Variants in CCAR1 observed in about 807,000 individuals in gnomAD.
The protein encoded by CCAR1 is cell division cycle and apoptosis regulator 1, also known as cell division cycle and apoptosis regulator protein 1.
In CCAR1, 78 loss-of-function variants were observed where a neutral mutation model predicts 163.8. The observed-to-expected ratio is 0.48, with a 90% CI of 0.40 to 0.57. The LOEUF (loss-of-function observed/expected upper bound fraction) is 0.57, where lower values mean the gene tolerates loss of function less well. Among genes scored for constraint, CCAR1 ranks in the 20% least tolerant of loss-of-function variants. The probability of loss-of-function intolerance (pLI) is 0.00; values close to 1 mark genes in which losing one functional copy is unlikely to be tolerated. For missense variants in CCAR1, 1,019 were observed against 1,365.2 expected (o/e 0.75, Z 4.00); for synonymous variants, 443 against 460.7 (o/e 0.96, Z 0.49).
At chr10:68,765,016 C>A (rs960898339) in intron 16 of CCAR1, among the ~76,000 whole-genome samples, 1 of 152,214 alleles carries the variant, frequency 6.6e-6, no homozygotes, top group Admixed American at 6.5e-5. Flanking sequence ...TAGTTTCTTT[C>A]AGATAGCTTT....
At chr10:68,730,013 G>A (rs932697354) in intron 2 of CCAR1, among the ~76,000 whole-genome samples, 8 of 151,792 alleles carry the variant, frequency 5.3e-5, no homozygotes, top group South Asian at 2.1e-4. Context: ...TCCGCCTCCC[G>A]TGTTCAAGCG....
chr10:68,771,275 T>C lies in CCAR1; in HGVS notation c.2368T>C (p.Leu790=). 1 of 1,606,856 alleles carries C rather than the reference T, an allele frequency of 6.2e-7. No homozygotes were observed. The highest frequency in any genetic ancestry group is 8.5e-7 in the Non-Finnish European group (1 of 1,176,660). The change falls in exon 18 of 25, where the codon TTA becomes CTA. Residue 790 remains leucine, a synonymous_variant. Coordinates refer to ENST00000265872, the MANE Select transcript of CCAR1 (RefSeq NM_018237.4). ...RDFGVRIYKS[L]LSLPEKEDKK... is the part of the protein sequence containing the mutation. Reference sequence around the variant, plus strand: ...TTTTGGTGTCCGTATATACAAATCATTACTGTCTCTTCCTGAGAAAGAGGA... The same window carrying C: ...TTTTGGTGTCCGTATATACAAATCACTACTGTCTCTTCCTGAGAAAGAGGA...
intron 2 of CCAR1, among the ~76,000 whole-genome samples, chr10:68,730,343 A>ATATATATT (rs1168778124): frequency 2.7e-5 from 4 of 147,944 alleles, no homozygotes; most frequent in African/African-American, 9.9e-5. Flanking sequence ...ATATATATAT[A>ATATATATT]TATTTATTTT....
At chr10:68,764,660 C>T (rs1022993457) in intron 16 of CCAR1, among the ~76,000 whole-genome samples, 8 of 152,236 alleles carry the variant, frequency 5.3e-5, no homozygotes, top group Middle Eastern at 3.4e-3. Context: ...TCCTTTCCCA[C>T]GGCCACTTCT....
At chr10:68,727,096 C>G (rs1447394068) in intron 2 of CCAR1, among the ~76,000 whole-genome samples, 1 of 127,232 alleles carries the variant, frequency 7.9e-6, no homozygotes, top group Non-Finnish European at 1.6e-5. Context: ...TTGACAGAGT[C>G]TTGCTCTGTC....
In CCAR1 at chr10:68,756,359, T is replaced by C; in HGVS notation, c.1712T>C (p.Leu571Ser). 1 of 1,614,132 alleles carries C rather than the reference T, an allele frequency of 6.2e-7. No individual in the cohort carries two copies. The highest frequency in any genetic ancestry group is 8.5e-7 in the Non-Finnish European group (1 of 1,180,020). The change falls in exon 14 of 25, where the codon TTA becomes TCA. Residue 571 changes from leucine (L) to serine (S), a missense_variant. By Grantham distance (145) the Leu-to-Ser change is moderately radical (BLOSUM62 -2). Around this residue, in one of 4 missense-constraint regions of CCAR1, gnomAD observed 644 missense variants for 904.4 expected, o/e 0.71. Coordinates refer to ENST00000265872, the MANE Select transcript of CCAR1 (RefSeq NM_018237.4). This position sits in a 1 kb window ranked among gnomAD's most constrained non-coding sequence, Gnocchi z 5.1. ...TVPAHVETVV[L>S]FFPDVWHCLP... Reference sequence around the variant, plus strand: ...CCAGCTCATGTGGAGACAGTGGTTTTATTTTTCCCGGATGTTTGGCATTGC... The same window carrying C: ...CCAGCTCATGTGGAGACAGTGGTTTCATTTTTCCCGGATGTTTGGCATTGC...
chr10:68,772,828 C>A (rs2056619751), intron 18 of CCAR1, among the ~76,000 whole-genome samples, 160 bp from the exon 19 acceptor site: 1 of 151,038 alleles, frequency 6.6e-6, no homozygotes, highest in Admixed American at 6.6e-5. Flanking sequence ...AATAATATAA[C>A]TACTGGCTGT....
At chr10:68,757,404 T>G (rs1458366027) in intron 15 of CCAR1, 27 bp downstream of exon 15, 1 of 1,294,120 alleles carries the variant, frequency 7.7e-7, no homozygotes, top group Admixed American at 1.8e-5. Flanking sequence ...TGGATTTTAT[T>G]TATTTTTTTC....
rs113324430 is a variant in CCAR1, at chr10:68,745,465, CT to C, written c.519-1682del. 2.9e-3 allele frequency among the ~76,000 whole-genome samples: 410 copies of C among 140,590 alleles called. 1 individual carries two copies. The highest frequency in any genetic ancestry group is 3.9e-3 in the Middle Eastern group (1 of 254). The allele number at this position is 140,590 out of a possible 152,430, so 92.2% of individuals were successfully genotyped here. Reference sequence around the variant, plus strand: ...TCTAGGCCCATGCTACCACGTCCAGCTTTTTTTTTTTTTTGGAGACCGAGTT... The same window carrying C: ...TCTAGGCCCATGCTACCACGTCCAGCTTTTTTTTTTTTTGGAGACCGAGTT... On this transcript the variant is annotated intron_variant, in intron 6 of 24. Transcript: ENST00000265872.
intron 2 of CCAR1, among the ~76,000 whole-genome samples, chr10:68,728,827 C>T (rs962783020): frequency 2.0e-5 from 3 of 151,830 alleles, no homozygotes; most frequent in Admixed American, 2.0e-4. Flanking sequence ...TGGTGGTGGG[C>T]GTCTGTAATC....
At chr10:68,776,817 T>C (rs2133412254) in intron 19 of CCAR1, among the ~76,000 whole-genome samples, 1 of 152,334 alleles carries the variant, frequency 6.6e-6, no homozygotes, top group Admixed American at 6.5e-5. Flanking sequence ...CCAAAAGTGC[T>C]GGGATTACAA....
rs2056833667 is a variant in CCAR1, at chr10:68,789,812, TA to T, written c.3293del (p.Lys1098ArgfsTer6). 6.2e-7 allele frequency: 1 copy of T among 1,608,140 alleles called. No individual in the cohort carries two copies. The highest frequency in any genetic ancestry group is 8.5e-7 in the Non-Finnish European group (1 of 1,177,474). On this transcript the variant is annotated frameshift_variant, in exon 24 of 25. Coordinates refer to ENST00000265872, the MANE Select transcript of CCAR1 (RefSeq NM_018237.4). LOFTEE classifies it high-confidence loss of function. ...GACCTTAGTCAGTTACAAGAAAACT[TA>T]AAGATTTCGGAAAACATGAATTTAC... ...KKDLSQLQEN[L>X]KISENMNLQF...
intron 19 of CCAR1, among the ~76,000 whole-genome samples, chr10:68,782,712 C>G (rs570466574): frequency 6.6e-6 from 1 of 152,088 alleles, no homozygotes; most frequent in African/African-American, 2.4e-5. Context: ...CTAAACCTAC[C>G]GTACCTGTGC....
At chr10:68,727,824 T>G (rs1412282047) in intron 2 of CCAR1, among the ~76,000 whole-genome samples, 1 of 152,132 alleles carries the variant, frequency 6.6e-6, no homozygotes, top group Non-Finnish European at 1.5e-5. Flanking sequence ...TTATTTTATT[T>G]TTTTGAACAT....
chr10:68,786,943 G>C (rs949465540), intron 21 of CCAR1: 2 of 290,066 alleles, frequency 6.9e-6, no homozygotes, highest in African/African-American at 4.5e-5. Context: ...AAATTAGCTG[G>C]GTGTGGTGGC....
intron 12 of CCAR1, 48 bp from the exon 13 acceptor site, chr10:68,755,322 T>C (rs956353829): frequency 6.6e-7 from 1 of 1,504,320 alleles, no homozygotes; most frequent in Non-Finnish European, 9.2e-7. Context: ...TTATTGGTAA[T>C]TTGACAGGGT....
chr10:68,771,496 T>C (rs2056602019), intron 18 of CCAR1, 51 bp downstream of exon 18: 4 of 1,448,066 alleles, frequency 2.8e-6, no homozygotes, highest in East Asian at 2.3e-5. Context: ...TTCTAGGTTA[T>C]AAAGGTTGAT....
At chr10:68,773,222 C>A in intron 19 of CCAR1, 123 bp downstream of exon 19, 1 of 524,378 alleles carries the variant, frequency 1.9e-6, no homozygotes, top group Non-Finnish European at 3.4e-6. Flanking sequence ...GAGTAATATA[C>A]TCTTCAGTGA....
chr10:68,755,401 C>T lies in CCAR1; in HGVS notation c.1490C>T (p.Ala497Val), dbSNP rs2056386874. ...GTGGGCATGAAAGGCAAGGATGAAG[C>T]TATGGCCATTGGAGGCCACTGGTCT... ...FLVGMKGKDEAMAIGGHWSPS... is the reference protein window; with the variant it reads ...FLVGMKGKDEVMAIGGHWSPS... Residue 497 changes from alanine to valine, a missense_variant, in exon 13 of 25, where the codon GCT becomes GTT. Coordinates refer to ENST00000265872, the MANE Select transcript of CCAR1 (RefSeq NM_018237.4). 6.2e-7 allele frequency: 1 copy of T among 1,613,872 alleles called. No homozygotes were observed. Among genetic ancestry groups the T allele is most frequent in the Non-Finnish European group, 8.5e-7 (1 of 1,179,928 alleles).
Sources: allele counts gnomAD v4.1 joint callset (sites outside exome capture counted in the v4.1 genomes callset), GRCh38; gene constraint gnomAD v4.1.1; regional missense constraint gnomAD v4.1.1; non-coding constraint Gnocchi (gnomAD v3.1); transcripts MANE v1.5; gene names NCBI Gene and HGNC (gene_info 2026-07-23, HGNC 2026-07-21).